The following IL10RB variants were observed in gnomAD, a reference collection of about 807,000 sequenced individuals.
IL10RB encodes interleukin 10 receptor subunit beta.
A neutral mutation model predicts 38.7 loss-of-function variants in IL10RB; 30 were observed. That is an observed-to-expected ratio of 0.78 (90% CI 0.58 to 1.05). IL10RB has a LOEUF of 1.05. Among genes scored for constraint, IL10RB ranks in the 50% least tolerant of loss-of-function variants. The pLI, the probability that IL10RB is intolerant of heterozygous loss-of-function variation, is 0.00. For missense variants in IL10RB, 328 were observed against 397.1 expected (o/e 0.83, Z 1.48); for synonymous variants, 142 against 145.9 (o/e 0.97, Z 0.19).
At chr21:33,308,456 A>T (rs1017884068) in intron 1 of IL10RB, 4 of 152,222 alleles carry the variant, frequency 2.6e-5, no homozygotes, top group African/African-American at 9.6e-5. Context: ...CTGTTTTATA[A>T]AATTAAATGA....
chr21:33,275,687 T>G (rs1601829564), intron 2 of IL10RB, among the ~76,000 whole-genome samples: 1 of 152,282 alleles, frequency 6.6e-6, no homozygotes, highest in Non-Finnish European at 1.5e-5. Flanking sequence ...TTCCTTTGCA[T>G]TCACAACTTG....
At chr21:33,282,715 A>AGGG (rs1028986058) in intron 4 of IL10RB, among the ~76,000 whole-genome samples, 1 of 151,852 alleles carries the variant, frequency 6.6e-6, no homozygotes. Context: ...CGCCCGGCTA[A>AGGG]TTTTTTGTAT....
chr21:33,307,332 T>C (rs1232023049), intron 1 of IL10RB, among the ~76,000 whole-genome samples: 1 of 152,258 alleles, frequency 6.6e-6, no homozygotes. Context: ...GTACAGGCTA[T>C]GACGCACATA....
chr21:33,266,386 A>G lies in IL10RB; in HGVS notation c.-80A>G. ...CCGCCCATCTCCGCTGGTTCCCGGA[A>G]GCCGCCGCGGACAAGCTCTCCCGGG... On this transcript the variant is annotated 5_prime_UTR_variant, in exon 1 of 7. Coordinates refer to ENST00000290200, the MANE Select transcript of IL10RB (RefSeq NM_000628.5). The G allele has an allele frequency of 6.1e-6, 9 of 1,485,376 alleles. No individual in the cohort carries two copies. Among genetic ancestry groups the G allele is most frequent in the Non-Finnish European group, 7.2e-6 (8 of 1,105,256 alleles). The allele number at this position is 1,485,376 out of a possible 1,614,324, so 92.0% of individuals were successfully genotyped here. A position where few individuals can be genotyped will look rare whatever the true frequency, so the allele number is the denominator to read the frequency against.
chr21:33,268,165 C>T, intron 1 of IL10RB: 2 of 1,375,310 alleles, frequency 1.5e-6, no homozygotes. Flanking sequence ...AAATCCAAGG[C>T]TCCTTTGTCT....
intron 1 of IL10RB, among the ~76,000 whole-genome samples, chr21:33,307,269 C>G (rs2083001098): frequency 1.3e-5 from 2 of 152,174 alleles, no homozygotes; most frequent in East Asian, 3.8e-4. Flanking sequence ...AGAACATGTA[C>G]TCGCTACAAA....
chr21:33,281,430 A>G (rs1485758723), intron 4 of IL10RB, among the ~76,000 whole-genome samples: 1 of 152,082 alleles, frequency 6.6e-6, no homozygotes, highest in Non-Finnish European at 1.5e-5. Context: ...TTCTTTTCTC[A>G]CACATGCCCA....
intron 6 of IL10RB, 111 bp from the exon 7 acceptor site, chr21:33,296,073 T>C: frequency 1.4e-6 from 1 of 730,174 alleles, no homozygotes; most frequent in Non-Finnish European, 2.2e-6. Flanking sequence ...TAAAAATAAA[T>C]AAATAAAATA....
At chr21:33,271,727 C>CAAA (rs34794407) in intron 2 of IL10RB, among the ~76,000 whole-genome samples, 2 of 111,230 alleles carry the variant, frequency 1.8e-5, no homozygotes, top group Non-Finnish European at 1.9e-5. Flanking sequence ...GACTCCATCT[C>CAAA]AAAAAAAAAA....
At chr21:33,287,563 C>T (rs2843717) in intron 5 of IL10RB, among the ~76,000 whole-genome samples, 57,801 of 151,834 alleles carry the variant, frequency 0.38, 11,704 homozygotes, top group Non-Finnish European at 0.45. Flanking sequence ...GAAGGGGTCT[C>T]ACTATGTTGC....
downstream of IL10RB, among the ~76,000 whole-genome samples, chr21:33,300,624 A>G (rs558812884): frequency 1.4e-4 from 21 of 152,362 alleles, no homozygotes; most frequent in African/African-American, 5.0e-4. Context: ...TCCAGATGCT[A>G]CAGTCTGGAT....
At chr21:33,269,256 A>T (rs1989032152) in intron 2 of IL10RB, among the ~76,000 whole-genome samples, 1 of 152,238 alleles carries the variant, frequency 6.6e-6, no homozygotes. Flanking sequence ...GAAGGAAGTC[A>T]GTGCCAGCAC....
At chr21:33,308,843 T>C (rs1601842894) in intron 1 of IL10RB, 1 of 152,354 alleles carries the variant, frequency 6.6e-6, no homozygotes, top group Admixed American at 6.5e-5. Flanking sequence ...TTTTCATCTA[T>C]GTTATAACAG....
intron 4 of IL10RB, 69 bp from the exon 5 acceptor site, chr21:33,283,025 A>G: frequency 2.4e-6 from 3 of 1,263,270 alleles, no homozygotes; most frequent in South Asian, 2.4e-5. Flanking sequence ...TCACTGATAA[A>G]TGTGAAAAAA....
chr21:33,300,780 ACACT>A (rs1286355828), downstream of IL10RB, among the ~76,000 whole-genome samples: 1 of 152,182 alleles, frequency 6.6e-6, no homozygotes, highest in Non-Finnish European at 1.5e-5. Flanking sequence ...CCCTCACCAG[ACACT>A]CAATCTGCTG....
chr21:33,292,336 T>G (rs77868677), intron 6 of IL10RB, among the ~76,000 whole-genome samples: 1 of 152,200 alleles, frequency 6.6e-6, no homozygotes, highest in Non-Finnish European at 1.5e-5. Flanking sequence ...CGGGCCACTT[T>G]CGGTGTGTGC....
chr21:33,286,876 G>A lies in IL10RB; in HGVS notation c.647-1228G>A, dbSNP rs111923013. 2.6e-4 allele frequency among the ~76,000 whole-genome samples: 39 copies of A among 152,144 alleles called. 1 individual carries two copies. The highest frequency in any genetic ancestry group is 8.9e-4 in the African/African-American group (37 of 41,542). On this transcript the variant is annotated intron_variant, in intron 5 of 6. Transcript: ENST00000290200. Reference sequence around the variant, plus strand: ...TCAAAAATGAAAATAAATAAAAGGAGAATGAGGGAGTAGAAAGAAAGAATG... The same window carrying A: ...TCAAAAATGAAAATAAATAAAAGGAAAATGAGGGAGTAGAAAGAAAGAATG...
chr21:33,294,587 G>C (rs928953749), intron 6 of IL10RB, among the ~76,000 whole-genome samples: 20 of 152,042 alleles, frequency 1.3e-4, no homozygotes, highest in African/African-American at 4.8e-4. Context: ...TGGCCCAACA[G>C]AGGAGCACCC....
chr21:33,266,628 G>A (rs1601825270), intron 1 of IL10RB, 114 bp downstream of exon 1: 4 of 1,064,010 alleles, frequency 3.8e-6, no homozygotes, highest in East Asian at 2.8e-5. Flanking sequence ...TCGGGGCCTC[G>A]GGAGAGAAGA....
Sources: allele counts gnomAD v4.1 joint callset (sites outside exome capture counted in the v4.1 genomes callset), GRCh38; gene constraint gnomAD v4.1.1; transcripts MANE v1.5; gene names NCBI Gene and HGNC (gene_info 2026-07-23, HGNC 2026-07-21).